Variants in BANP observed in about 807,000 individuals in gnomAD.
The protein encoded by BANP is protein BANP.
BANP carries 11 observed loss-of-function variants against 68.1 expected under a neutral mutation model. The ratio of observed to expected loss-of-function variants is 0.16; its 90% CI spans 0.10 to 0.27. The LOEUF (loss-of-function observed/expected upper bound fraction) is 0.27, where lower values mean the gene tolerates loss of function less well. Among genes scored for constraint, BANP ranks in the 10% least tolerant of loss-of-function variants. The pLI is 1.00. For missense variants in BANP, 504 were observed against 722.7 expected (o/e 0.70, Z 3.47); for synonymous variants, 329 against 303.2 (o/e 1.09, Z -0.88).
chr16:88,027,686 C>G (rs765783729), intron 8 of BANP, 36 bp downstream of exon 8: 22 of 1,609,632 alleles, frequency 1.4e-5, no homozygotes, highest in African/African-American at 9.4e-5. Context: ...CGCCCTCCCC[C>G]GCTCGGGGCA....
chr16:88,073,373 C>A (rs140643891), intron 13 of BANP, among the ~76,000 whole-genome samples: 8 of 152,254 alleles, frequency 5.3e-5, no homozygotes, highest in Non-Finnish European at 1.2e-4. Flanking sequence ...CTGCTGTGCC[C>A]ATGGGCACGG....
intron 9 of BANP, among the ~76,000 whole-genome samples, chr16:88,034,472 A>T (rs1442738761): frequency 4.6e-5 from 7 of 151,854 alleles, no homozygotes; most frequent in African/African-American, 1.7e-4. Context: ...GGATTCTTTG[A>T]TTTTTTTTGA....
intron 6 of BANP, among the ~76,000 whole-genome samples, chr16:88,010,625 C>T (rs932959202): frequency 3.3e-5 from 5 of 152,232 alleles, no homozygotes; most frequent in East Asian, 1.9e-4. Context: ...CACTGCTGTG[C>T]GGATTTACAG....
At chr16:88,035,898 G>A (rs1002325994) in intron 10 of BANP, among the ~76,000 whole-genome samples, 5 of 152,252 alleles carry the variant, frequency 3.3e-5, no homozygotes, top group Admixed American at 6.5e-5. Context: ...AGCCCTTGAC[G>A]CACCTGCTGG....
intron 6 of BANP, among the ~76,000 whole-genome samples, chr16:88,009,312 G>C (rs1014754764): frequency 1.3e-5 from 2 of 152,150 alleles, no homozygotes; most frequent in African/African-American, 4.8e-5. Flanking sequence ...CTATTTAGTT[G>C]TTTTAGGCCC....
chr16:87,959,257 A>G (rs1202029440), intron 1 of BANP, among the ~76,000 whole-genome samples: 1 of 152,118 alleles, frequency 6.6e-6, no homozygotes, highest in Non-Finnish European at 1.5e-5. Context: ...GTTTTATGTA[A>G]TTTTCTCATC....
intron 1 of BANP, among the ~76,000 whole-genome samples, chr16:87,955,185 G>A (rs377523488): frequency 3.4e-4 from 52 of 152,300 alleles, no homozygotes; most frequent in African/African-American, 1.2e-3. Context: ...CTTTCTGCAT[G>A]GTGGCTGACT....
rs2075227392 is a variant in BANP at position 88,018,923 on chromosome 16, A to T, written c.895+256A>T. Among the ~76,000 whole-genome samples, 1 of 152,182 alleles carries T rather than the reference A, an allele frequency of 6.6e-6. No homozygotes were observed. The highest frequency in any genetic ancestry group is 2.4e-5 in the African/African-American group (1 of 41,446). ...ATATATATACCTACTGTGTACCCTT[A>T]GAAGGTGAAAAACTCCTCGCCTCCT... On this transcript the variant is annotated intron_variant, in intron 7 of 13. Transcript: ENST00000682872. This position sits in a 1 kb window ranked among gnomAD's most constrained non-coding sequence, Gnocchi z 7.7.
At chr16:88,015,906 C>T (rs1051875597) in intron 6 of BANP, among the ~76,000 whole-genome samples, 5 of 152,238 alleles carry the variant, frequency 3.3e-5, no homozygotes, top group African/African-American at 4.8e-5. Context: ...CTGTTTCCCG[C>T]GGCCCCGGTT....
chr16:88,040,025 C>G (rs1195818832), intron 11 of BANP, among the ~76,000 whole-genome samples: 1 of 152,206 alleles, frequency 6.6e-6, no homozygotes, highest in Non-Finnish European at 1.5e-5. Context: ...AACTCTCATA[C>G]GCTCCTGATT....
At chr16:88,017,197 CA>C (rs1350378831) in intron 6 of BANP, 1 of 152,228 alleles carries the variant, frequency 6.6e-6, no homozygotes, top group African/African-American at 2.4e-5. Flanking sequence ...CAGCGATGCC[CA>C]GGGTGGCATG....
intron 6 of BANP, among the ~76,000 whole-genome samples, chr16:88,012,288 AT>A (rs1462000958): frequency 2.6e-5 from 4 of 152,204 alleles, no homozygotes; most frequent in African/African-American, 9.7e-5. Flanking sequence ...CATGTATTTC[AT>A]TTTATGCAGA....
chr16:88,061,655 A>C lies in BANP; in HGVS notation c.1312-3612A>C, dbSNP rs370857986. ...CTGGGATGAGCCTCTTTCTCTGAGCACCTCATTTTTCTTTCTTTTTTTTTT... is the reference window on the plus strand; with the variant it reads ...CTGGGATGAGCCTCTTTCTCTGAGCCCCTCATTTTTCTTTCTTTTTTTTTT... On this transcript the variant is annotated intron_variant, in intron 11 of 13. Transcript: ENST00000682872. Among the ~76,000 whole-genome samples, 24 of 145,234 alleles carry C rather than the reference A, an allele frequency of 1.7e-4. No individual in the cohort carries two copies. In the South Asian group the frequency reaches 5.0e-3, roughly 30 times the overall value.
chr16:88,073,646 G>A (rs1019440946), intron 13 of BANP, among the ~76,000 whole-genome samples: 1 of 152,210 alleles, frequency 6.6e-6, no homozygotes, highest in African/African-American at 2.4e-5. Context: ...AGTCAGGCGT[G>A]GCTGCCTCAG....
rs140201764 is a variant in BANP at position 88,051,600 on chromosome 16, C to T, written c.1311+13589C>T. Among the ~76,000 whole-genome samples, 481 of 152,266 alleles carry T rather than the reference C, an allele frequency of 3.2e-3. 1 individual carries two copies. Among genetic ancestry groups the T allele is most frequent in the African/African-American group, 0.011 (462 of 41,548 alleles). On this transcript the variant is annotated intron_variant, in intron 11 of 13. Coordinates refer to ENST00000682872, the MANE Select transcript of BANP (RefSeq NM_001386991.1). ...GCCACGGTTCCCTCTCTCAGGGGTG[C>T]CTTTCCCTGCCACAGTTGCAGGTTG...
At chr16:87,966,201 T>A (rs1457445950) in intron 1 of BANP, among the ~76,000 whole-genome samples, 7 of 152,342 alleles carry the variant, frequency 4.6e-5, no homozygotes, top group African/African-American at 1.7e-4. Context: ...TGGATGGGCG[T>A]GGATTCTTCA....
chr16:87,960,431 C>G (rs1451759910), intron 1 of BANP, among the ~76,000 whole-genome samples: 1 of 152,158 alleles, frequency 6.6e-6, no homozygotes, highest in Non-Finnish European at 1.5e-5. Context: ...GCAGGTGGGG[C>G]ACATCGTGTA....
At chr16:87,977,398 G>A (rs1172462520) in intron 2 of BANP, among the ~76,000 whole-genome samples, 6 of 148,186 alleles carry the variant, frequency 4.0e-5, no homozygotes, top group African/African-American at 1.2e-4. Context: ...CAGGCTGGGC[G>A]ACAGAGCGAG....
intron 4 of BANP, among the ~76,000 whole-genome samples, chr16:87,992,790 CA>C (rs67037373): frequency 1.5e-4 from 20 of 136,602 alleles, no homozygotes; most frequent in Admixed American, 1.5e-4. Context: ...TGAGACTCCT[CA>C]AAAAAAAAAA....
Sources: allele counts gnomAD v4.1 joint callset (sites outside exome capture counted in the v4.1 genomes callset), GRCh38; gene constraint gnomAD v4.1.1; non-coding constraint Gnocchi (gnomAD v3.1); transcripts MANE v1.5; gene names NCBI Gene and HGNC (gene_info 2026-07-23, HGNC 2026-07-21).